ABR: variants seen among roughly 807,000 people sequenced by gnomAD.
The protein encoded by ABR is ABR activator of RhoGEF and GTPase.
ABR carries 35 observed loss-of-function variants against 107.2 expected under a neutral mutation model. The observed-to-expected ratio is 0.33, with a 90% confidence interval of 0.25 to 0.43. The LOEUF (loss-of-function observed/expected upper bound fraction) is 0.43. Ranked by LOEUF, ABR falls within the 20% of genes least tolerant of loss-of-function variation. The pLI is 1.00. For synonymous variants in ABR, 498 were observed against 462.0 expected, an observed-to-expected ratio of 1.08 and a Z score of -1.00; for missense variants, 815 against 1,115.2, an observed-to-expected ratio of 0.73 and a Z score of 3.83.
intron 1 of ABR, among the ~76,000 whole-genome samples, chr17:1,169,864 G>A (rs1598038927): frequency 2.6e-5 from 4 of 152,180 alleles, no homozygotes; most frequent in South Asian, 2.1e-4. Context: ...AAATCCCCGC[G>A]TCCTCGCCCC....
chr17:1,190,352 G>C (rs2042404194), upstream of ABR, among the ~76,000 whole-genome samples: 1 of 152,212 alleles, frequency 6.6e-6, no homozygotes. Context: ...CTTGTTTTTA[G>C]GCCAGGCACG....
intron 1 of ABR, among the ~76,000 whole-genome samples, chr17:1,175,926 C>T (rs2041902364): frequency 6.6e-6 from 1 of 151,988 alleles, no homozygotes; most frequent in Non-Finnish European, 1.5e-5. Context: ...CCCGTCTCTA[C>T]TAAAAACACA....
chr17:1,139,091 G>GT (rs1357717172), intron 1 of ABR, among the ~76,000 whole-genome samples: 1 of 150,302 alleles, frequency 6.7e-6, no homozygotes, highest in Non-Finnish European at 1.5e-5. Context: ...AGGGAAAGGA[G>GT]TAACAGTAAA....
chr17:1,031,346 C>T (rs1414556401), intron 16 of ABR, among the ~76,000 whole-genome samples: 5 of 152,162 alleles, frequency 3.3e-5, no homozygotes, highest in Non-Finnish European at 7.4e-5. Context: ...GGTCCACCTG[C>T]CGAGAAGAAA....
intron 1 of ABR, among the ~76,000 whole-genome samples, chr17:1,161,854 CA>C (rs1368099720): frequency 1.3e-5 from 2 of 152,300 alleles, no homozygotes; most frequent in African/African-American, 4.8e-5. Context: ...AGCGCCCGGC[CA>C]GAAGTCACTC....
chr17:1,038,349 G>A (rs924268025), intron 16 of ABR, among the ~76,000 whole-genome samples: 5 of 152,210 alleles, frequency 3.3e-5, no homozygotes, highest in East Asian at 1.9e-4. Flanking sequence ...TGGGTCAGAC[G>A]CTGAACCTGC....
chr17:1,069,540 C>G (rs1358033630), intron 9 of ABR, among the ~76,000 whole-genome samples: 1 of 151,980 alleles, frequency 6.6e-6, no homozygotes, highest in Non-Finnish European at 1.5e-5. Flanking sequence ...GGCATGGTGG[C>G]GTGCACCTGT....
chr17:1,091,916 C>CG, intron 3 of ABR, 66 bp from the exon 4 acceptor site: 2 of 1,497,766 alleles, frequency 1.3e-6, no homozygotes, highest in Non-Finnish European at 1.8e-6. Flanking sequence ...CGGCAGGCCC[C>CG]GGGGCCGATC....
intron 1 of ABR, among the ~76,000 whole-genome samples, chr17:1,161,316 A>G (rs1012051943): frequency 1.3e-5 from 2 of 151,560 alleles, no homozygotes; most frequent in Admixed American, 1.3e-4. Flanking sequence ...ATCACAGCTC[A>G]CTGTAAGCTC....
chr17:1,229,408 C>G, exon 1 of ABR, among the ~76,000 whole-genome samples: 1 of 146,650 alleles, frequency 6.8e-6, no homozygotes, highest in Non-Finnish European at 1.5e-5. Flanking sequence ...TCGGGGCGCC[C>G]GGGCTCCCCG....
intron 16 of ABR, among the ~76,000 whole-genome samples, chr17:1,013,476 T>C (rs1256234503): frequency 6.6e-6 from 1 of 152,082 alleles, no homozygotes; most frequent in African/African-American, 2.4e-5. Context: ...GGGCACACCC[T>C]GTTAGGCACT....
chr17:1,011,563 C>T lies in ABR; in HGVS notation c.2101+283G>A, dbSNP rs13342447. ...CACCCAGGAACTAGCAAGAAAGACA[C>T]TGGAGTCAGATCTGAGTTTTAAGTC... is the stretch of plus-strand genomic sequence containing the variant. On this transcript the variant is annotated intron_variant, in intron 19 of 22. Coordinates refer to ENST00000302538, the MANE Select transcript of ABR (RefSeq NM_021962.5). The surrounding 1 kb of genome is among the most constrained non-coding windows in gnomAD (Gnocchi z 4.8). 12,313 of 279,424 alleles carry T rather than the reference C, an allele frequency of 0.044. 339 individuals carry two copies. The highest frequency in any genetic ancestry group is 0.082 in the African/African-American group (3,732 of 45,762). The allele number at this position is 279,424 out of a possible 1,614,324, so 17.3% of individuals were successfully genotyped here.
chr17:1,018,087 G>A (rs1006651599), intron 16 of ABR, among the ~76,000 whole-genome samples: 1 of 151,782 alleles, frequency 6.6e-6, no homozygotes, highest in Admixed American at 6.6e-5. Context: ...CTGTCGCCCA[G>A]GCTGGAGTGC....
intron 1 of ABR, among the ~76,000 whole-genome samples, chr17:1,174,223 G>A (rs2041846420): frequency 6.6e-6 from 1 of 152,216 alleles, no homozygotes; most frequent in South Asian, 2.1e-4. Context: ...TCTCTGAGTA[G>A]ATGACTTAAT....
intron 1 of ABR, among the ~76,000 whole-genome samples, chr17:1,204,677 C>A (rs2042753109): frequency 1.3e-5 from 2 of 152,126 alleles, no homozygotes; most frequent in African/African-American, 4.8e-5. Flanking sequence ...TACCTAGGAG[C>A]AGTAAGCTGT....
At chr17:1,222,074 C>CTTTTTTTTTTTTTTTTTTTTTTTTTT (rs1488404002) in intron 1 of ABR, among the ~76,000 whole-genome samples, 2 of 144,784 alleles carry the variant, frequency 1.4e-5, no homozygotes, top group African/African-American at 2.6e-5. Context: ...AGGATCCCAT[C>CTTTTTTTTTTTTTTTTTTTTTTTTTT]TTTTTTTCTG....
At chr17:1,025,123 A>G in intron 16 of ABR, among the ~76,000 whole-genome samples, 1 of 140,912 alleles carries the variant, frequency 7.1e-6, no homozygotes, top group African/African-American at 2.6e-5. Flanking sequence ...CCGTCTCAAA[A>G]AAAAAAAAAA....
chr17:1,195,202 G>A (rs1357153959), intron 1 of ABR, among the ~76,000 whole-genome samples: 2 of 148,126 alleles, frequency 1.4e-5, no homozygotes, highest in Non-Finnish European at 3.0e-5. Flanking sequence ...AGCTACTCGG[G>A]AGGCTGAGGC....
chr17:1,145,569 G>A (rs1041383240), intron 1 of ABR, among the ~76,000 whole-genome samples: 1 of 152,164 alleles, frequency 6.6e-6, no homozygotes, highest in South Asian at 2.1e-4. Flanking sequence ...TGGCCTCCTC[G>A]GAGCCCCCCT....
Sources: allele counts gnomAD v4.1 joint callset (sites outside exome capture counted in the v4.1 genomes callset), GRCh38; gene constraint gnomAD v4.1.1; non-coding constraint Gnocchi (gnomAD v3.1); transcripts MANE v1.5; gene names NCBI Gene and HGNC (gene_info 2026-07-23, HGNC 2026-07-21).